Variants in LINGO1 observed in about 807,000 individuals in gnomAD.
The protein encoded by LINGO1 is leucine rich repeat and Ig domain containing 1.
A neutral mutation model predicts 37.3 loss-of-function variants in LINGO1; 11 were observed. The observed-to-expected ratio is 0.29, with a 90% CI of 0.19 to 0.49. LINGO1 has a LOEUF of 0.49. Ranked by LOEUF, LINGO1 falls within the 20% of genes least tolerant of loss-of-function variation. The pLI is 0.99. For missense variants in LINGO1, 585 were observed against 878.2 expected (o/e 0.67, Z 4.22); for synonymous variants, 387 against 403.0 (o/e 0.96, Z 0.48).
chr15:77,671,061 T>C (rs2075239547), intron 3 of LINGO1, among the ~76,000 whole-genome samples: 1 of 152,148 alleles, frequency 6.6e-6, no homozygotes, highest in Non-Finnish European at 1.5e-5. Context: ...CCTTACTTCA[T>C]CACCACCTGA....
intron 3 of LINGO1, among the ~76,000 whole-genome samples, chr15:77,651,073 G>A (rs1046094080): frequency 2.6e-5 from 4 of 152,140 alleles, no homozygotes; most frequent in African/African-American, 7.2e-5. Flanking sequence ...AAAAAAAGTA[G>A]CTATGGCAGA....
chr15:77,719,813 C>T (rs539752851), intron 2 of LINGO1, among the ~76,000 whole-genome samples: 3 of 149,604 alleles, frequency 2.0e-5, no homozygotes, highest in Non-Finnish European at 3.0e-5. Context: ...CACACTCACA[C>T]GCTTTCATAC....
chr15:77,775,880 C>A (rs2076632538), intron 1 of LINGO1, among the ~76,000 whole-genome samples: 1 of 152,196 alleles, frequency 6.6e-6, no homozygotes, highest in South Asian at 2.1e-4. Flanking sequence ...CACTGCCCCA[C>A]ACACACGCAG....
chr15:77,812,231 C>T (rs1212391081), intron 1 of LINGO1, among the ~76,000 whole-genome samples: 1 of 152,266 alleles, frequency 6.6e-6, no homozygotes, highest in Admixed American at 6.5e-5. Context: ...TCCCCATGCC[C>T]TCTGCAGAGC....
chr15:77,689,309 A>G (rs113907892), intron 2 of LINGO1, among the ~76,000 whole-genome samples: 2,060 of 152,012 alleles, frequency 0.014, 19 homozygotes, highest in Middle Eastern at 0.031. Flanking sequence ...CAGGAAGAGC[A>G]AAAACCAGAG....
chr15:77,776,475 AGGAAG>A (rs2076645244), intron 1 of LINGO1, among the ~76,000 whole-genome samples: 1 of 138,066 alleles, frequency 7.2e-6, no homozygotes, highest in African/African-American at 2.8e-5. Context: ...GCAGGAAGGC[AGGAAG>A]GCAGGAAAGC....
chr15:77,623,068 C>T (rs2073973888), intron 1 of LINGO1, among the ~76,000 whole-genome samples: 1 of 152,218 alleles, frequency 6.6e-6, no homozygotes, highest in Non-Finnish European at 1.5e-5. Flanking sequence ...GCAGACGCAC[C>T]CACATCAAAG....
intron 2 of LINGO1, among the ~76,000 whole-genome samples, chr15:77,710,715 G>A (rs572392614): frequency 6.6e-6 from 1 of 152,356 alleles, no homozygotes; most frequent in African/African-American, 2.4e-5. Context: ...ACCTCACACA[G>A]CCCACCTGCG....
intron 2 of LINGO1, among the ~76,000 whole-genome samples, chr15:77,710,981 G>A (rs907147789): frequency 7.2e-5 from 11 of 152,182 alleles, no homozygotes; most frequent in Non-Finnish European, 1.5e-4. Flanking sequence ...GAGGCAGCCC[G>A]CACGGCCTTG....
At chr15:77,696,094 G>C (rs1381225109) in intron 1 of LINGO1, 2 of 152,144 alleles carry the variant, frequency 1.3e-5, no homozygotes, top group African/African-American at 4.8e-5. Context: ...TGCCCTGAAT[G>C]ATCTGTCGGC....
intron 3 of LINGO1, among the ~76,000 whole-genome samples, chr15:77,673,164 C>G (rs2075278356): frequency 6.6e-6 from 1 of 152,080 alleles, no homozygotes; most frequent in Admixed American, 6.5e-5. Context: ...CATAAACAAC[C>G]AGAAAACAGT....
At chr15:77,720,568 A>G (rs1035408569) in intron 2 of LINGO1, 1 of 152,268 alleles carries the variant, frequency 6.6e-6, no homozygotes, top group Non-Finnish European at 1.5e-5. Context: ...GCTGTAAAGA[A>G]AGCATTTTAA....
upstream of LINGO1, among the ~76,000 whole-genome samples, chr15:77,638,280 C>T (rs917774414): frequency 3.4e-5 from 5 of 147,992 alleles, no homozygotes; most frequent in African/African-American, 5.3e-5. Context: ...GCACTACCCC[C>T]GCCGAAGTTC....
At chr15:77,623,013 A>C (rs1257477554) in intron 1 of LINGO1, among the ~76,000 whole-genome samples, 1 of 151,954 alleles carries the variant, frequency 6.6e-6, no homozygotes, top group East Asian at 1.9e-4. Context: ...CAGCCTCCGA[A>C]GTGGGACCGG....
intron 1 of LINGO1, among the ~76,000 whole-genome samples, chr15:77,621,243 C>G (rs1410912686): frequency 6.6e-6 from 1 of 152,086 alleles, no homozygotes; most frequent in East Asian, 1.9e-4. Flanking sequence ...TTACTAGAGA[C>G]AGGGTTTCAC....
chr15:77,650,481 C>A (rs1412789313), intron 3 of LINGO1, among the ~76,000 whole-genome samples: 2 of 152,180 alleles, frequency 1.3e-5, no homozygotes, highest in African/African-American at 4.8e-5. Context: ...CAGCAGGGGG[C>A]AGCCTGGACC....
upstream of LINGO1, among the ~76,000 whole-genome samples, chr15:77,638,106 T>C (rs1362918011): frequency 6.6e-6 from 1 of 152,178 alleles, no homozygotes; most frequent in East Asian, 1.9e-4. Context: ...GCCCAAAGGC[T>C]CTTGGAGAAC....
chr15:77,779,930 G>A (rs2141423211), intron 1 of LINGO1, among the ~76,000 whole-genome samples: 1 of 152,322 alleles, frequency 6.6e-6, no homozygotes, highest in Middle Eastern at 3.4e-3. Context: ...GAACCCAGTG[G>A]TGAGCCAGAC....
chr15:77,677,527 C>T (rs2075348342), intron 2 of LINGO1, among the ~76,000 whole-genome samples: 1 of 152,066 alleles, frequency 6.6e-6, no homozygotes, highest in African/African-American at 2.4e-5. Context: ...GATGGACAAC[C>T]CCACCCCATT....
Sources: gnomAD v4.1 joint callset for allele counts (sites outside exome capture counted in the v4.1 genomes callset) on GRCh38, gnomAD v4.1.1 for gene constraint, MANE v1.5 for transcripts, NCBI Gene and HGNC (gene_info 2026-07-23, HGNC 2026-07-21) for gene names.